The following FBXO36 variants were observed in gnomAD, a reference collection of about 807,000 sequenced individuals.
FBXO36 encodes F-box protein 36, also known as F-box only protein 36.
In FBXO36, 18 loss-of-function variants were observed where a neutral mutation model predicts 17.0. That is an observed-to-expected ratio of 1.06 (90% CI 0.73 to 1.57). The LOEUF (loss-of-function observed/expected upper bound fraction) is 1.57. Ranked by LOEUF, FBXO36 falls within the 40% of genes most tolerant of loss-of-function variation. FBXO36 has a pLI of 0.00. For missense variants in FBXO36, 229 were observed against 221.9 expected (o/e 1.03, Z -0.20); for synonymous variants, 83 against 85.3 (o/e 0.97, Z 0.15).
chr2:229,953,211 C>T (rs578033511), intron 1 of FBXO36, among the ~76,000 whole-genome samples: 3 of 151,868 alleles, frequency 2.0e-5, no homozygotes, highest in South Asian at 2.1e-4. Context: ...TGGTGGTAGG[C>T]GCCTGTAATC....
At chr2:229,958,558 C>T (rs1211643089) in intron 1 of FBXO36, among the ~76,000 whole-genome samples, 5 of 152,110 alleles carry the variant, frequency 3.3e-5, no homozygotes, top group African/African-American at 4.8e-5. Context: ...CGCGAGCCAC[C>T]GCACCCTGCC....
chr2:229,971,290 G>C (rs1056515722), intron 1 of FBXO36, among the ~76,000 whole-genome samples: 1 of 151,820 alleles, frequency 6.6e-6, no homozygotes, highest in African/African-American at 2.4e-5. Flanking sequence ...AGGAGGTAGA[G>C]GTTTTGGTGA....
At chr2:229,949,842 G>A (rs138258589) in intron 1 of FBXO36, among the ~76,000 whole-genome samples, 1,668 of 152,078 alleles carry the variant, frequency 0.011, 20 homozygotes, top group Non-Finnish European at 0.018. Context: ...GGAGAATGGC[G>A]TGAACCTGGG....
At chr2:230,005,078 A>C (rs1388640134) in intron 3 of FBXO36, among the ~76,000 whole-genome samples, 1 of 152,090 alleles carries the variant, frequency 6.6e-6, no homozygotes, top group Non-Finnish European at 1.5e-5. Flanking sequence ...ATATCAGCGC[A>C]TGGACAGATT....
intron 1 of FBXO36, chr2:229,943,222 A>G (rs1335381546): frequency 6.6e-6 from 1 of 152,290 alleles, no homozygotes; most frequent in Non-Finnish European, 1.5e-5. Flanking sequence ...CCTCTGTGGC[A>G]CTGTTTGAGC....
At chr2:229,922,767 C>T (rs1202088868) in intron 1 of FBXO36, among the ~76,000 whole-genome samples, 158 bp downstream of exon 1, 2 of 152,218 alleles carry the variant, frequency 1.3e-5, no homozygotes, top group African/African-American at 2.4e-5. Context: ...CCTCGGCCTC[C>T]TCGGTCCGAC....
chr2:229,941,243 C>T (rs959641000), intron 1 of FBXO36, among the ~76,000 whole-genome samples: 1 of 151,888 alleles, frequency 6.6e-6, no homozygotes, highest in Non-Finnish European at 1.5e-5. Context: ...ATCACGAGGT[C>T]AGGAGATCGA....
At chr2:229,999,537 A>G (rs2077347087) in intron 3 of FBXO36, among the ~76,000 whole-genome samples, 1 of 149,658 alleles carries the variant, frequency 6.7e-6, no homozygotes, top group South Asian at 2.1e-4. Context: ...ATATACACAC[A>G]CACACATATT....
chr2:229,984,657 G>A (rs1474126069), intron 2 of FBXO36, among the ~76,000 whole-genome samples: 1 of 151,938 alleles, frequency 6.6e-6, no homozygotes, highest in African/African-American at 2.4e-5. Flanking sequence ...CAAAGTGCTG[G>A]GATTACAGCC....
At chr2:229,935,387 C>T (rs1195779094) in intron 1 of FBXO36, among the ~76,000 whole-genome samples, 1 of 152,114 alleles carries the variant, frequency 6.6e-6, no homozygotes, top group Non-Finnish European at 1.5e-5. Context: ...GTGGTGCATG[C>T]CTGTAATCCC....
At chr2:230,000,449 G>A (rs2077352378) in intron 3 of FBXO36, among the ~76,000 whole-genome samples, 1 of 151,616 alleles carries the variant, frequency 6.6e-6, no homozygotes, top group African/African-American at 2.4e-5. Context: ...TATGCAAGTG[G>A]GGATCTAGCA....
At chr2:229,926,541 C>G (rs1377307735) in intron 1 of FBXO36, among the ~76,000 whole-genome samples, 1 of 151,568 alleles carries the variant, frequency 6.6e-6, no homozygotes, top group Non-Finnish European at 1.5e-5. Context: ...GTCAGGAATT[C>G]AACACCAGCC....
chr2:230,010,226 A>C (rs950886179), intron 3 of FBXO36, among the ~76,000 whole-genome samples: 2 of 152,202 alleles, frequency 1.3e-5, no homozygotes, highest in African/African-American at 4.8e-5. Context: ...GCGCCATTGC[A>C]CTCCAGCCTG....
chr2:229,923,974 G>A (rs2076884705), intron 1 of FBXO36, among the ~76,000 whole-genome samples: 1 of 148,312 alleles, frequency 6.7e-6, no homozygotes, highest in African/African-American at 2.5e-5. Flanking sequence ...TCGATCTCTT[G>A]ATCTCGTGAT....
At chr2:229,944,872 C>T (rs1023788897) in intron 1 of FBXO36, among the ~76,000 whole-genome samples, 2 of 152,044 alleles carry the variant, frequency 1.3e-5, no homozygotes, top group South Asian at 2.1e-4. Context: ...GGATTACAGG[C>T]GTGAGCCACC....
chr2:229,970,467 A>G (rs1390505418), intron 1 of FBXO36, among the ~76,000 whole-genome samples: 1 of 152,202 alleles, frequency 6.6e-6, no homozygotes. Flanking sequence ...AGAAGAGTGC[A>G]CTTTTAACCT....
chr2:229,992,538 GC>G (rs2077303130), intron 2 of FBXO36, among the ~76,000 whole-genome samples: 1 of 151,986 alleles, frequency 6.6e-6, no homozygotes, highest in Non-Finnish European at 1.5e-5. Flanking sequence ...GGCTCTTCAG[GC>G]TTTCACCAAC....
At chr2:229,962,544 T>TTTTA (rs1200289008) in intron 1 of FBXO36, among the ~76,000 whole-genome samples, 1 of 149,944 alleles carries the variant, frequency 6.7e-6, no homozygotes, top group Non-Finnish European at 1.5e-5. Context: ...TTTTATTTTA[T>TTTTA]TTTATTGTAG....
intron 2 of FBXO36, among the ~76,000 whole-genome samples, chr2:229,978,045 A>T (rs1282519973): frequency 6.6e-6 from 1 of 152,148 alleles, no homozygotes; most frequent in African/African-American, 2.4e-5. Context: ...TGGGCCCAGG[A>T]GTTCAAGACC....
Sources: allele counts gnomAD v4.1 joint callset (sites outside exome capture counted in the v4.1 genomes callset), GRCh38; gene constraint gnomAD v4.1.1; transcripts MANE v1.5; gene names NCBI Gene and HGNC (gene_info 2026-07-23, HGNC 2026-07-21).